The following STON1 variants were observed in gnomAD, a reference collection of about 807,000 sequenced individuals.
STON1 encodes stonin 1, also known as stonin-1.
In STON1, 79 loss-of-function variants were observed where a neutral mutation model predicts 60.9. The ratio of observed to expected loss-of-function variants is 1.30; its 90% CI spans 1.08 to 1.56. STON1 has a LOEUF of 1.56. STON1 is among the 40% of genes most tolerant of loss of function. The pLI, the probability that STON1 is intolerant of heterozygous loss-of-function variation, is 0.00. For synonymous variants in STON1, 363 were observed against 306.9 expected, an observed-to-expected ratio of 1.18 and a Z score of -1.91; for missense variants, 1,166 against 858.9, an observed-to-expected ratio of 1.36 and a Z score of -4.47.
chr2:48,581,207 A>G lies in STON1; in HGVS notation c.574A>G (p.Ser192Gly), dbSNP rs748039478. The G allele has an allele frequency of 2.0e-6, 3 of 1,524,294 alleles. No individual in the cohort carries two copies. Among genetic ancestry groups the G allele is most frequent in the South Asian group, 1.3e-5 (1 of 75,016 alleles). The allele number at this position is 1,524,294 out of a possible 1,614,324, so 94.4% of individuals were successfully genotyped here. A position where few individuals can be genotyped will look rare whatever the true frequency, so the allele number is the denominator to read the frequency against. The stretch of plus-strand genomic sequence containing the variant: ...AAGTCCATTTTGGAAAGATGAAGGC[A>G]GTGATTCCCATTTCACCCTTGACCC... ...FSSPFWKDEG[S>G]DSHFTLDPPG... The change falls in exon 2 of 4, where the codon AGT becomes GGT. Residue 192 changes from serine (S) to glycine (G), a missense_variant. Coordinates refer to ENST00000404752, the MANE Select transcript of STON1 (RefSeq NM_006873.4).
intron 1 of STON1, among the ~76,000 whole-genome samples, chr2:48,567,165 T>C (rs1215844897): frequency 6.6e-6 from 1 of 152,244 alleles, no homozygotes; most frequent in Non-Finnish European, 1.5e-5. Flanking sequence ...ATTTTACAAA[T>C]GTTATTCCCT....
chr2:48,544,145 A>C (rs1671767432), intron 1 of STON1, among the ~76,000 whole-genome samples: 1 of 152,102 alleles, frequency 6.6e-6, no homozygotes, highest in Non-Finnish European at 1.5e-5. Context: ...AATAATAATG[A>C]TGATAGCTAT....
intron 1 of STON1, among the ~76,000 whole-genome samples, chr2:48,536,966 TG>T (rs1357729565): frequency 2.0e-5 from 3 of 152,250 alleles, no homozygotes; most frequent in Non-Finnish European, 4.4e-5. Flanking sequence ...TTTTGAATTT[TG>T]TTTTTTTACC....
intron 1 of STON1, among the ~76,000 whole-genome samples, chr2:48,568,246 G>T (rs182970234): frequency 6.6e-6 from 1 of 152,104 alleles, no homozygotes; most frequent in East Asian, 1.9e-4. Flanking sequence ...AGAAACAGAG[G>T]AGCCAGACAT....
intron 2 of STON1, among the ~76,000 whole-genome samples, chr2:48,590,793 A>G (rs182531188): frequency 6.6e-6 from 1 of 152,340 alleles, no homozygotes; most frequent in Admixed American, 6.5e-5. Context: ...TAAAATATTA[A>G]AGGCCAATAT....
intron 1 of STON1, among the ~76,000 whole-genome samples, chr2:48,537,046 T>C (rs1182970912): frequency 2.0e-5 from 3 of 152,224 alleles, no homozygotes; most frequent in Non-Finnish European, 2.9e-5. Flanking sequence ...ATTTTCTATA[T>C]AGACAATCAT....
intron 2 of STON1, among the ~76,000 whole-genome samples, chr2:48,589,129 T>C (rs1172776289): frequency 6.6e-6 from 1 of 152,154 alleles, no homozygotes; most frequent in Non-Finnish European, 1.5e-5. Context: ...TTTTCGACTT[T>C]TCTCTTTTTT....
chr2:48,531,864 A>C (rs1671224340), intron 1 of STON1: 1 of 152,224 alleles, frequency 6.6e-6, no homozygotes, highest in Admixed American at 6.5e-5. Flanking sequence ...ACAACCCCTT[A>C]AAAAACAGGT....
intron 2 of STON1, among the ~76,000 whole-genome samples, chr2:48,588,630 A>G (rs1477864752): frequency 1.3e-5 from 2 of 152,198 alleles, no homozygotes; most frequent in Non-Finnish European, 2.9e-5. Flanking sequence ...GATTATAGGT[A>G]TAAGCTACCT....
At chr2:48,564,282 G>A (rs1672731115) in intron 1 of STON1, among the ~76,000 whole-genome samples, 1 of 152,036 alleles carries the variant, frequency 6.6e-6, no homozygotes, top group South Asian at 2.1e-4. Flanking sequence ...TCCAGAGGCT[G>A]AGGTCTAAGA....
chr2:48,596,334 C>T lies in STON1; in HGVS notation c.*1032C>T, dbSNP rs934737381. The T allele has an allele frequency of 6.6e-6, 1 of 152,144 alleles. No homozygotes were observed. The highest frequency in any genetic ancestry group is 6.5e-5 in the Admixed American group (1 of 15,278). The allele number at this position is 152,144 out of a possible 1,614,324, so 9.4% of individuals were successfully genotyped here. A position where few individuals can be genotyped will look rare whatever the true frequency, so the allele number is the denominator to read the frequency against. ...TTTTACCCAGATTTCTAAGTGGCAA[C>T]ATTTTTATTCTTCAGAGTCAGGTAA... On this transcript the variant is annotated 3_prime_UTR_variant, in exon 4 of 4. Coordinates refer to ENST00000404752, the MANE Select transcript of STON1 (RefSeq NM_006873.4).
chr2:48,563,438 C>T (rs55743433), intron 1 of STON1, among the ~76,000 whole-genome samples: 18,132 of 152,260 alleles, frequency 0.12, 1,470 homozygotes, highest in Middle Eastern at 0.25. Context: ...CTGCTGGTCT[C>T]CCAGGAAAAG....
At chr2:48,548,970 G>GA (rs1671980745) in intron 1 of STON1, among the ~76,000 whole-genome samples, 1 of 152,186 alleles carries the variant, frequency 6.6e-6, no homozygotes, top group African/African-American at 2.4e-5. Context: ...AAAATGCCCA[G>GA]AGAAGTTAGT....
chr2:48,543,183 C>CAGGCTGATCTCAAACTCCTG (rs1357492377), intron 1 of STON1, among the ~76,000 whole-genome samples: 19 of 151,968 alleles, frequency 1.3e-4, no homozygotes, highest in African/African-American at 4.4e-4. Flanking sequence ...CCATGTTGGC[C>CAGGCTGATCTCAAACTCCTG]AGGCTGATCT....
chr2:48,581,477 A>T lies in STON1; in HGVS notation c.844A>T (p.Ile282Phe). ...ATCCGGATGGTCTTTCATGCTGAGAATTCCTGAGAAGAAGAATATGATGTC... is the reference window on the plus strand; with the variant it reads ...ATCCGGATGGTCTTTCATGCTGAGATTTCCTGAGAAGAAGAATATGATGTC... Reference protein sequence around the residue: ...PKSGWSFMLRIPEKKNMMSSR... With the variant: ...PKSGWSFMLRFPEKKNMMSSR... Residue 282 changes from isoleucine to phenylalanine, a missense_variant, in exon 2 of 4, where the codon ATT becomes TTT. Transcript: ENST00000404752. The T allele has an allele frequency of 3.7e-6, 6 of 1,614,244 alleles. No individual in the cohort carries two copies. The highest frequency in any genetic ancestry group is 5.1e-6 in the Non-Finnish European group (6 of 1,180,046).
At position 48,573,426 on chromosome 2, in the gene STON1, C is replaced by T. The variant is rs995526208; in HGVS notation, c.-47-7161C>T. On this transcript the variant is annotated intron_variant, in intron 1 of 3. Transcript: ENST00000404752. Reference sequence around the variant, plus strand: ...ACAGCATTTTCCACTGGATGTCAGCCGCCATAGCATCACTTTGGAGTTGGA... The same window carrying T: ...ACAGCATTTTCCACTGGATGTCAGCTGCCATAGCATCACTTTGGAGTTGGA... Among the ~76,000 whole-genome samples the T allele has an allele frequency of 3.9e-5, 6 of 152,270 alleles. 1 individual carries two copies. Among genetic ancestry groups the T allele is most frequent in the East Asian group, 3.9e-4 (2 of 5,180 alleles).
intron 2 of STON1, 57 bp from the exon 3 acceptor site, chr2:48,591,596 G>C (rs1246848677): frequency 6.3e-7 from 1 of 1,587,420 alleles, no homozygotes; most frequent in Non-Finnish European, 8.6e-7. Context: ...TTATGTTCAA[G>C]AGAAATGTTC....
Position 48,581,228 on chromosome 2 carries a change from G to A in STON1, c.595G>A (p.Asp199Asn). ...AGGCAGTGATTCCCATTTCACCCTT[G>A]ACCCACCAGGAAGCAAAAAGATGTT... ...DEGSDSHFTL[D>N]PPGSKKMFSS... Residue 199 changes from aspartate to asparagine, a missense_variant, in exon 2 of 4, where the codon GAC (aspartate) becomes AAC (asparagine). Transcript: ENST00000404752. The A allele has an allele frequency of 6.6e-7, 1 of 1,518,664 alleles. No individual in the cohort carries two copies. The highest frequency in any genetic ancestry group is 8.8e-7 in the Non-Finnish European group (1 of 1,139,666). 94.1% of individuals were successfully genotyped at this position (1,518,664 alleles called of 1,614,324 possible).
At chr2:48,550,304 C>T (rs896932052) in intron 1 of STON1, among the ~76,000 whole-genome samples, 1 of 151,872 alleles carries the variant, frequency 6.6e-6, no homozygotes, top group Non-Finnish European at 1.5e-5. Context: ...TTGAGACCAG[C>T]CTGATCAACA....
Sources: allele counts gnomAD v4.1 joint callset (sites outside exome capture counted in the v4.1 genomes callset), GRCh38; gene constraint gnomAD v4.1.1; transcripts MANE v1.5; gene names NCBI Gene and HGNC (gene_info 2026-07-23, HGNC 2026-07-21).